Variants in ITGAM observed in about 807,000 individuals in gnomAD.
The protein encoded by ITGAM is integrin subunit alpha M.
ITGAM carries 79 observed loss-of-function variants against 137.5 expected under a neutral mutation model. The observed-to-expected ratio is 0.57, with a 90% CI of 0.48 to 0.69. The LOEUF is 0.69. Among genes scored for constraint, ITGAM ranks in the 30% least tolerant of loss-of-function variants. The pLI, the probability that ITGAM is intolerant of heterozygous loss-of-function variation, is 0.00. For synonymous variants in ITGAM, 583 were observed against 592.3 expected (o/e 0.98, Z 0.23); for missense variants, 1,343 against 1,483.5 (o/e 0.91, Z 1.56).
In ITGAM at chr16:31,276,673, A is replaced by G. The variant is rs896884625; in HGVS notation, c.1012A>G (p.Thr338Ala). Residue 338 changes from threonine (T) to alanine (A), a missense_variant and splice_region_variant, in exon 10 of 30, where the codon ACT becomes GCT. Coordinates refer to ENST00000544665, the MANE Select transcript of ITGAM (RefSeq NM_000632.4). ...LREKIFAIEG[T>A]QTGSSSSFEH... Reference sequence around the variant, plus strand: ...ATAGAAACTTCTCCTCTTTACAGGTACTCAGACAGGAAGTAGCAGCTCCTT... The same window carrying G: ...ATAGAAACTTCTCCTCTTTACAGGTGCTCAGACAGGAAGTAGCAGCTCCTT... The G allele has an allele frequency of 6.2e-7, 1 of 1,609,516 alleles. No individual in the cohort carries two copies. The highest frequency in any genetic ancestry group is 8.5e-7 in the Non-Finnish European group (1 of 1,177,388).
intron 7 of ITGAM, among the ~76,000 whole-genome samples, chr16:31,272,435 A>G (rs1358138804): frequency 0.27 from 3,047 of 11,086 alleles, 206 homozygotes; most frequent in Middle Eastern, 0.38. Flanking sequence ...ATATATATAT[A>G]TATATATATA....
chr16:31,321,223 C>G lies in ITGAM; in HGVS notation c.1708-18C>G. 6.2e-7 allele frequency: 1 copy of G among 1,613,548 alleles called. No homozygotes were observed. The highest frequency in any genetic ancestry group is 8.5e-7 in the Non-Finnish European group (1 of 1,179,754). Reference sequence around the variant, plus strand: ...TTTCCTACCCCTTTCTCTCTCCACACCTCTTTTTTACCCTCAGCGGATAGC... The same window carrying G: ...TTTCCTACCCCTTTCTCTCTCCACAGCTCTTTTTTACCCTCAGCGGATAGC... On this transcript the variant is annotated intron_variant, in intron 14 of 29. Transcript: ENST00000544665.
At chr16:31,329,427 C>T in intron 24 of ITGAM, 124 bp downstream of exon 24, 2 of 741,058 alleles carry the variant, frequency 2.7e-6, no homozygotes, top group South Asian at 1.5e-5. Flanking sequence ...CTTGGTTCCA[C>T]GCTGCTATCA....
chr16:31,324,687 C>G lies in ITGAM; in HGVS notation c.2194C>G (p.Arg732Gly). 1.2e-6 allele frequency: 2 copies of G among 1,602,308 alleles called. No individual in the cohort carries two copies. The highest frequency in any genetic ancestry group is 1.7e-6 in the Non-Finnish European group (2 of 1,175,052). Residue 732 changes from arginine (R) to glycine (G), a missense_variant, in exon 18 of 30, where the codon CGC becomes GGC. Transcript: ENST00000544665. This position sits in a 1 kb window ranked among gnomAD's most constrained non-coding sequence, Gnocchi z 4.5. Reference sequence around the variant, plus strand: ...GGACCCAGTGAGCCCCATTGTGCTGCGCCTGAACTTCTCTCTGGTGGGAAC... The same window carrying G: ...GGACCCAGTGAGCCCCATTGTGCTGGGCCTGAACTTCTCTCTGGTGGGAAC... ...IEDPVSPIVL[R>G]LNFSLVGTPL...
At chr16:31,328,306 G>A in intron 23 of ITGAM, 76 bp downstream of exon 23, 1 of 1,085,256 alleles carries the variant, frequency 9.2e-7, no homozygotes, top group South Asian at 1.2e-5. Flanking sequence ...GTGTGCATGA[G>A]TCTGTGCATG....
intron 22 of ITGAM, among the ~76,000 whole-genome samples, chr16:31,327,670 G>A (rs2080522581): frequency 6.6e-6 from 1 of 152,012 alleles, no homozygotes; most frequent in African/African-American, 2.4e-5. Flanking sequence ...GCAAAGGCAT[G>A]AACTGAGGGC....
At chr16:31,284,111 A>G (rs1474625518) in intron 12 of ITGAM, among the ~76,000 whole-genome samples, 1 of 152,190 alleles carries the variant, frequency 6.6e-6, no homozygotes, top group Non-Finnish European at 1.5e-5. Context: ...AGGGGCACCC[A>G]GCCGTATGAG....
In ITGAM at chr16:31,265,476, A is replaced by T. The variant is rs779820941; in HGVS notation, c.216A>T (p.Ser72=). The part of the protein sequence containing the change: ...SLYQCDYSTG[S]CEPIRLQVPV... ...ACCAGTGCGACTACAGCACAGGCTC[A>T]TGCGAGCCCATCCGCCTGCAGGGTG... Residue 72 remains serine, a synonymous_variant, in exon 3 of 30, where the codon TCA becomes TCT. Coordinates refer to ENST00000544665, the MANE Select transcript of ITGAM (RefSeq NM_000632.4). 1.9e-6 allele frequency: 3 copies of T among 1,599,334 alleles called. No individual in the cohort carries two copies. In the East Asian group the frequency reaches 6.8e-5, roughly 36 times the overall value.
chr16:31,264,542 A>G (rs533901561), intron 2 of ITGAM, among the ~76,000 whole-genome samples: 175 of 151,844 alleles, frequency 1.2e-3, no homozygotes, highest in African/African-American at 4.0e-3. Flanking sequence ...ACTTTGGGAG[A>G]CTGAGGTGGA....
intron 14 of ITGAM, among the ~76,000 whole-genome samples, chr16:31,298,517 G>C (rs1052012983): frequency 6.6e-6 from 1 of 152,190 alleles, no homozygotes; most frequent in Non-Finnish European, 1.5e-5. Flanking sequence ...GTAGATCAAG[G>C]CCCAGCGATG....
intron 8 of ITGAM, among the ~76,000 whole-genome samples, chr16:31,274,269 T>A (rs951592722): frequency 7.9e-5 from 12 of 152,204 alleles, no homozygotes; most frequent in Non-Finnish European, 1.6e-4. Flanking sequence ...ATATAAGTTA[T>A]AGGTTAAACA....
chr16:31,316,030 T>A, intron 14 of ITGAM, among the ~76,000 whole-genome samples: 1 of 17,376 alleles, frequency 5.8e-5, no homozygotes, highest in Admixed American at 5.3e-4. Flanking sequence ...CCGTCTCTAC[T>A]AAAAATACAA....
intron 12 of ITGAM, among the ~76,000 whole-genome samples, chr16:31,278,687 A>C (rs1341349364): frequency 6.6e-6 from 1 of 152,208 alleles, no homozygotes; most frequent in Admixed American, 6.5e-5. Context: ...CATTCTTGCA[A>C]ATTCCTGAAA....
intron 12 of ITGAM, among the ~76,000 whole-genome samples, chr16:31,293,519 T>C (rs1416658652): frequency 6.6e-6 from 1 of 151,992 alleles, no homozygotes; most frequent in East Asian, 1.9e-4. Context: ...CCCCATTGCT[T>C]ATTTTTGTCT....
At chr16:31,327,782 G>A (rs952356951) in intron 22 of ITGAM, among the ~76,000 whole-genome samples, 5 of 152,106 alleles carry the variant, frequency 3.3e-5, no homozygotes, top group African/African-American at 1.2e-4. Flanking sequence ...AGGAGTTGGT[G>A]GTGGTTAGAT....
At chr16:31,300,934 A>AT (rs1473162510) in intron 14 of ITGAM, among the ~76,000 whole-genome samples, 1 of 151,998 alleles carries the variant, frequency 6.6e-6, no homozygotes, top group Non-Finnish European at 1.5e-5. Flanking sequence ...AAGTTATTAG[A>AT]TTTTTTGCTA....
At chr16:31,318,351 T>TC (rs1401594975) in intron 14 of ITGAM, among the ~76,000 whole-genome samples, 2 of 150,268 alleles carry the variant, frequency 1.3e-5, no homozygotes, top group Non-Finnish European at 3.0e-5. Flanking sequence ...GTTCTTTTTT[T>TC]TTTTTTTTTT....
At chr16:31,311,543 A>G (rs537492384) in intron 14 of ITGAM, among the ~76,000 whole-genome samples, 1 of 152,256 alleles carries the variant, frequency 6.6e-6, no homozygotes, top group Non-Finnish European at 1.5e-5. Context: ...AATGCTCATC[A>G]TTACTGGCCA....
Position 31,273,420 on chromosome 16 carries a change from G to A in ITGAM, c.760G>A (p.Val254Ile), listed in dbSNP as rs967986268. The A allele has an allele frequency of 6.2e-7, 1 of 1,613,880 alleles. No individual in the cohort carries two copies. The highest frequency in any genetic ancestry group is 2.2e-5 in the East Asian group (1 of 44,876). Residue 254 changes from valine to isoleucine, a missense_variant, in exon 8 of 30, where the codon GTT becomes ATT. By Grantham distance (29) the Val-to-Ile change is conservative. Transcript: ENST00000544665. ...CCGAAAGAATGCCTTTAAGATCCTA[G>A]TTGTCATCACGGATGGAGAAAAGTT... ...GARKNAFKIL[V>I]VITDGEKFGD...
Sources: gnomAD v4.1 joint callset for allele counts (sites outside exome capture counted in the v4.1 genomes callset) on GRCh38, gnomAD v4.1.1 for gene constraint, Gnocchi (gnomAD v3.1) non-coding constraint, MANE v1.5 for transcripts, NCBI Gene and HGNC (gene_info 2026-07-23, HGNC 2026-07-21) for gene names.